Variants in MAP7 observed in about 807,000 individuals in gnomAD.
The protein encoded by MAP7 is ensconsin.
A neutral mutation model predicts 94.8 loss-of-function variants in MAP7; 52 were observed. The observed-to-expected ratio is 0.55, with a 90% confidence interval of 0.44 to 0.69. The LOEUF (loss-of-function observed/expected upper bound fraction) is 0.69, where lower values mean the gene tolerates loss of function less well. MAP7 is among the 30% of genes least tolerant of loss of function. The pLI is 0.00. For synonymous variants in MAP7, 350 were observed against 357.0 expected (o/e 0.98, Z 0.22); for missense variants, 940 against 964.6 (o/e 0.97, Z 0.34).
At chr6:136,407,649 T>G (rs942669737) in intron 3 of MAP7, among the ~76,000 whole-genome samples, 3 of 152,114 alleles carry the variant, frequency 2.0e-5, no homozygotes, top group Non-Finnish European at 2.9e-5. Context: ...TAGTTGATAG[T>G]AGATAGTTGA....
chr6:136,491,224 A>C (rs938691463), intron 1 of MAP7, among the ~76,000 whole-genome samples: 1 of 152,174 alleles, frequency 6.6e-6, no homozygotes, highest in Non-Finnish European at 1.5e-5. Flanking sequence ...GGTTTTCTTC[A>C]TTGTACTTTG....
At chr6:136,541,097 C>A (rs989595252) in intron 1 of MAP7, among the ~76,000 whole-genome samples, 1 of 152,130 alleles carries the variant, frequency 6.6e-6, no homozygotes, top group East Asian at 1.9e-4. Flanking sequence ...AGTAAGCAAC[C>A]AGGTCCTGTC....
rs541869743 is a variant in MAP7, at chr6:136,450,829, G to A, written c.68-29030C>T. Among the ~76,000 whole-genome samples, 15 of 152,128 alleles carry A rather than the reference G, an allele frequency of 9.9e-5. 1 individual carries two copies. The highest frequency in any genetic ancestry group is 1.3e-4 in the Admixed American group (2 of 15,278). ...GTGGATACATTTCTGTGAAGAGGAGGCATTAAATACTATAAAAGTCAATGT... is the reference window on the plus strand; with the variant it reads ...GTGGATACATTTCTGTGAAGAGGAGACATTAAATACTATAAAAGTCAATGT... On this transcript the variant is annotated intron_variant, in intron 1 of 17. Coordinates refer to ENST00000354570, the MANE Select transcript of MAP7 (RefSeq NM_003980.6).
chr6:136,550,218 C>T lies in MAP7; in HGVS notation c.67+124G>A, dbSNP rs1219892942. ...TGCGCGGCGCGCAGGGCCGGTTGTT[C>T]CGGGCCGCGGCCGCGCGGGCGGGGA... On this transcript the variant is annotated intron_variant, in intron 1 of 17. Transcript: ENST00000354570. This position sits in a 1 kb window ranked among gnomAD's most constrained non-coding sequence, Gnocchi z 5.1. 1.2e-6 allele frequency: 1 copy of T among 823,322 alleles called. No individual in the cohort carries two copies. The highest frequency in any genetic ancestry group is 1.6e-6 in the Non-Finnish European group (1 of 620,996). The allele number at this position is 823,322 out of a possible 1,614,324, so 51.0% of individuals were successfully genotyped here.
At chr6:136,374,662 C>T (rs1428258385) in intron 7 of MAP7, among the ~76,000 whole-genome samples, 6 of 152,110 alleles carry the variant, frequency 3.9e-5, no homozygotes, top group Admixed American at 3.9e-4. Context: ...ATCACCAGGC[C>T]TCTGGTTTAT....
chr6:136,493,250 G>C (rs1312961858), intron 1 of MAP7, among the ~76,000 whole-genome samples: 1 of 151,220 alleles, frequency 6.6e-6, no homozygotes, highest in Non-Finnish European at 1.5e-5. Flanking sequence ...AGCCTCCCGA[G>C]TAGCTGGGAT....
chr6:136,519,541 T>C (rs77804216), intron 1 of MAP7, among the ~76,000 whole-genome samples: 2,126 of 152,312 alleles, frequency 0.014, 42 homozygotes, highest in Non-Finnish European at 0.015. Context: ...GACATTACAG[T>C]TGCTAGATCA....
intron 1 of MAP7, among the ~76,000 whole-genome samples, chr6:136,508,777 A>G (rs1372145957): frequency 1.3e-5 from 2 of 152,244 alleles, no homozygotes; most frequent in Admixed American, 6.5e-5. Flanking sequence ...GATAAAATAC[A>G]CTAAAGAGAA....
chr6:136,435,710 G>A (rs1056863031), intron 1 of MAP7, among the ~76,000 whole-genome samples: 2 of 152,168 alleles, frequency 1.3e-5, no homozygotes, highest in Non-Finnish European at 1.5e-5. Context: ...TACTGAGTTT[G>A]GTTTCCAAGT....
intron 1 of MAP7, among the ~76,000 whole-genome samples, chr6:136,468,670 A>G (rs764661839): frequency 1.3e-5 from 2 of 152,240 alleles, no homozygotes; most frequent in Non-Finnish European, 2.9e-5. Flanking sequence ...TTTATTTAAT[A>G]CTGTACCCAA....
At chr6:136,455,917 A>C (rs1802722636) in intron 1 of MAP7, among the ~76,000 whole-genome samples, 1 of 152,168 alleles carries the variant, frequency 6.6e-6, no homozygotes, top group South Asian at 2.1e-4. Flanking sequence ...GGATATGATA[A>C]CTCCTAACAT....
chr6:136,520,915 AGCT>A (rs1211617780), intron 1 of MAP7, among the ~76,000 whole-genome samples: 3 of 152,214 alleles, frequency 2.0e-5, no homozygotes, highest in Admixed American at 2.0e-4. Flanking sequence ...AAAAGGGACC[AGCT>A]GGTAGGTAGT....
At chr6:136,452,066 T>C (rs1034206357) in intron 1 of MAP7, among the ~76,000 whole-genome samples, 13 of 152,032 alleles carry the variant, frequency 8.6e-5, no homozygotes, top group Non-Finnish European at 1.5e-4. Flanking sequence ...TGGTGGCACA[T>C]GCCTGTAATC....
intron 1 of MAP7, chr6:136,525,722 A>G (rs948020148): frequency 4.1e-6 from 5 of 1,211,054 alleles, no homozygotes; most frequent in Non-Finnish European, 5.6e-6. Context: ...GGAGGTCACA[A>G]GCACTCCCTG....
At chr6:136,386,392 C>T (rs948011589) in intron 5 of MAP7, among the ~76,000 whole-genome samples, 2 of 152,128 alleles carry the variant, frequency 1.3e-5, no homozygotes, top group Non-Finnish European at 2.9e-5. Context: ...TTTTACCCAA[C>T]AGCTTGCGAA....
At chr6:136,493,938 T>TA (rs1227694658) in intron 1 of MAP7, among the ~76,000 whole-genome samples, 1 of 152,206 alleles carries the variant, frequency 6.6e-6, no homozygotes, top group Non-Finnish European at 1.5e-5. Context: ...TTCATGTCTG[T>TA]AAAATGGGGA....
chr6:136,411,494 TTTTA>T, intron 3 of MAP7, 122 bp downstream of exon 3: 2 of 769,938 alleles, frequency 2.6e-6, no homozygotes, highest in Non-Finnish European at 4.2e-6. Flanking sequence ...TATGTTTATA[TTTTA>T]TCATCACATA....
intron 1 of MAP7, among the ~76,000 whole-genome samples, chr6:136,468,343 C>A (rs1807826911): frequency 6.6e-6 from 1 of 152,100 alleles, no homozygotes; most frequent in Non-Finnish European, 1.5e-5. Context: ...CTGGTCTAAT[C>A]TCACAACAAC....
chr6:136,512,822 C>T (rs1057378650), intron 1 of MAP7, among the ~76,000 whole-genome samples: 4 of 150,236 alleles, frequency 2.7e-5, no homozygotes, highest in Admixed American at 1.3e-4. Context: ...TGGGGTGCTG[C>T]GGCAATTTCT....
Sources: allele counts gnomAD v4.1 joint callset (sites outside exome capture counted in the v4.1 genomes callset), GRCh38; gene constraint gnomAD v4.1.1; non-coding constraint Gnocchi (gnomAD v3.1); transcripts MANE v1.5; gene names NCBI Gene and HGNC (gene_info 2026-07-23, HGNC 2026-07-21).